The following STX1B variants were observed in gnomAD, a reference collection of about 807,000 sequenced individuals.
STX1B encodes syntaxin-1B.
In STX1B, 7 loss-of-function variants were observed where a neutral mutation model predicts 39.4. The observed-to-expected ratio is 0.18, with a 90% confidence interval of 0.10 to 0.33. The LOEUF is 0.33. STX1B is among the 10% of genes least tolerant of loss of function. The pLI is 1.00. For missense variants in STX1B, 198 were observed against 383.2 expected (o/e 0.52, Z 4.04); for synonymous variants, 136 against 144.1 (o/e 0.94, Z 0.40).
intron 7 of STX1B, among the ~76,000 whole-genome samples, chr16:30,994,421 C>A (rs945328880): frequency 1.1e-3 from 118 of 111,214 alleles, no homozygotes; most frequent in South Asian, 1.5e-3. Context: ...TTGTTTCTAT[C>A]AAAAAAAAAA....
chr16:31,006,932 T>C (rs1286033862), intron 1 of STX1B, among the ~76,000 whole-genome samples: 3 of 151,980 alleles, frequency 2.0e-5, no homozygotes, highest in Non-Finnish European at 2.9e-5. Context: ...CTGGTCAACA[T>C]AGACCCCATC....
At chr16:30,993,074 G>C in intron 9 of STX1B, 56 bp downstream of exon 9, 1 of 1,555,452 alleles carries the variant, frequency 6.4e-7, no homozygotes, top group Non-Finnish European at 8.9e-7. Flanking sequence ...ACTCACCTCA[G>C]CCCGGGCTCA....
At chr16:31,006,763 A>T (rs1468441912) in intron 1 of STX1B, among the ~76,000 whole-genome samples, 2 of 152,158 alleles carry the variant, frequency 1.3e-5, no homozygotes, top group Admixed American at 6.5e-5. Context: ...GGCAGAGGGA[A>T]CAGCATGCGC....
At chr16:30,995,352 A>G (rs976480031) in intron 7 of STX1B, among the ~76,000 whole-genome samples, 13 of 152,156 alleles carry the variant, frequency 8.5e-5, no homozygotes, top group Admixed American at 7.9e-4. Context: ...GTCATAGCGC[A>G]TCCTTTAAAC....
At chr16:30,995,493 C>CT (rs535108190) in intron 7 of STX1B, among the ~76,000 whole-genome samples, 28,774 of 143,740 alleles carry the variant, frequency 0.2, 2,988 homozygotes, top group Non-Finnish European at 0.25. Flanking sequence ...TCCTTTCTTT[C>CT]TTTTTTTTTT....
chr16:30,996,569 A>G, intron 7 of STX1B, 114 bp downstream of exon 7: 2 of 952,894 alleles, frequency 2.1e-6, no homozygotes, highest in Non-Finnish European at 1.6e-6. Context: ...TTCCCGGCTC[A>G]GGCTTCCCGC....
intron 4 of STX1B, among the ~76,000 whole-genome samples, chr16:31,000,569 T>C (rs1303530664): frequency 6.6e-6 from 1 of 151,812 alleles, no homozygotes; most frequent in Non-Finnish European, 1.5e-5. Context: ...CTCAGCTCAC[T>C]GTAACCTCCA....
Position 31,001,619 on chromosome 16 carries a change from G to A in STX1B, c.31-16C>T, listed in dbSNP as rs760136212. ...TGTCTTTCGCCTGGGGACAAGGAAG[G>A]CTGAGTCCATGAGCAGGCCCTACCT... On this transcript the variant is annotated splice_polypyrimidine_tract_variant and intron_variant, in intron 1 of 9. Transcript: ENST00000215095. The surrounding 1 kb of genome is among the most constrained non-coding windows in gnomAD (Gnocchi z 5.5). 6.2e-7 allele frequency: 1 copy of A among 1,610,162 alleles called. No homozygotes were observed. The highest frequency in any genetic ancestry group is 1.1e-5 in the South Asian group (1 of 90,790).
At chr16:31,006,049 A>C (rs1488619888) in intron 1 of STX1B, among the ~76,000 whole-genome samples, 1 of 152,216 alleles carries the variant, frequency 6.6e-6, no homozygotes, top group Non-Finnish European at 1.5e-5. Flanking sequence ...AGACGGTGAC[A>C]AAAACACAGA....
At position 31,001,820 on chromosome 16, in the gene STX1B, G is replaced by T. The variant is rs887289693; in HGVS notation, c.31-217C>A. ...GATTCCTTAGAAGGAATTGGAAAAA[G>T]ACCCCCTCTCAGGGTGGATGTGGCC... On this transcript the variant is annotated intron_variant, in intron 1 of 9. Transcript: ENST00000215095. This position sits in a 1 kb window ranked among gnomAD's most constrained non-coding sequence, Gnocchi z 5.5. 2.0e-5 allele frequency among the ~76,000 whole-genome samples: 3 copies of T among 152,194 alleles called. No homozygotes were observed. The highest frequency in any genetic ancestry group is 7.2e-5 in the African/African-American group (3 of 41,440).
intron 7 of STX1B, chr16:30,996,169 C>T (rs188112816): frequency 5.3e-5 from 8 of 151,492 alleles, no homozygotes; most frequent in African/African-American, 1.9e-4. Context: ...GAGCAAAACT[C>T]CGTCTTGAAG....
chr16:30,994,696 T>TACTC (rs1003935977), intron 7 of STX1B, among the ~76,000 whole-genome samples: 23 of 151,926 alleles, frequency 1.5e-4, no homozygotes, highest in African/African-American at 5.3e-4. Flanking sequence ...CTTCCCAAAT[T>TACTC]ACTCACTGTT....
At chr16:30,993,814 G>GTC (rs1180914536) in intron 7 of STX1B, among the ~76,000 whole-genome samples, 5 of 152,196 alleles carry the variant, frequency 3.3e-5, no homozygotes, top group Admixed American at 1.3e-4. Flanking sequence ...GCGAAACCTC[G>GTC]TCTCTACTAA....
rs2056554260 is a variant in STX1B at position 30,991,026 on chromosome 16, T to TG, written c.*1794dup. 6.6e-6 allele frequency: 1 copy of TG among 152,512 alleles called. No individual in the cohort carries two copies. The highest frequency in any genetic ancestry group is 1.5e-5 in the Non-Finnish European group (1 of 68,082). The allele number at this position is 152,512 out of a possible 1,614,324, so 9.4% of individuals were successfully genotyped here. On this transcript the variant is annotated 3_prime_UTR_variant, in exon 10 of 10. Transcript: ENST00000215095. ...GAGCCCAGAGCATCCGATGGGGCAG[T>TG]GGGGGACACACAGTCCTCTCCCAGG...
At position 31,001,618 on chromosome 16, in the gene STX1B, G is replaced by A. The variant is rs752203894; in HGVS notation, c.31-15C>T. ...CTGTCTTTCGCCTGGGGACAAGGAAGGCTGAGTCCATGAGCAGGCCCTACC... is the reference window on the plus strand; with the variant it reads ...CTGTCTTTCGCCTGGGGACAAGGAAAGCTGAGTCCATGAGCAGGCCCTACC... On this transcript the variant is annotated splice_polypyrimidine_tract_variant and intron_variant, in intron 1 of 9. Transcript: ENST00000215095. The surrounding 1 kb of genome is among the most constrained non-coding windows in gnomAD (Gnocchi z 5.5). The A allele has an allele frequency of 1.7e-5, 28 of 1,610,630 alleles. No individual in the cohort carries two copies. The highest frequency in any genetic ancestry group is 2.3e-5 in the Non-Finnish European group (27 of 1,178,364).
At position 30,993,370 on chromosome 16, in the gene STX1B, T is replaced by C; in HGVS notation, c.652A>G (p.Met218Val). Residue 218 changes from methionine (M) to valine (V), a missense_variant, in exon 8 of 10, where the codon ATG becomes GTG. Transcript: ENST00000215095. ...IRELHDMFVD[M>V]AMLVESQGEM... is the part of the protein sequence containing the mutation. ...ACCTGGCTCTCTACGAGCATGGCCA[T>C]GTCCACAAACATATCGTGCAGCTCG... 2 of 1,614,204 alleles carry C rather than the reference T, an allele frequency of 1.2e-6. No homozygotes were observed. The highest frequency in any genetic ancestry group is 1.7e-6 in the Non-Finnish European group (2 of 1,180,050).
intron 7 of STX1B, chr16:30,996,471 G>C: frequency 1.9e-6 from 1 of 540,116 alleles, no homozygotes; most frequent in Middle Eastern, 4.9e-4. Context: ...TGTGAAGATG[G>C]AAAGTGCTTA....
At chr16:30,992,994 G>A in intron 9 of STX1B, 93 bp from the exon 10 acceptor site, 1 of 1,325,612 alleles carries the variant, frequency 7.5e-7, no homozygotes, top group Non-Finnish European at 1.1e-6. Flanking sequence ...GTGGCAGGGA[G>A]AAGAGGGGAG....
Position 31,001,405 on chromosome 16 carries a change from A to AGGGGCTGGGGCTGGGTGCT in STX1B, c.105+105_105+123dup. On this transcript the variant is annotated intron_variant, in intron 2 of 9. Transcript: ENST00000215095. This position sits in a 1 kb window ranked among gnomAD's most constrained non-coding sequence, Gnocchi z 5.5. ...GGGGCTGCGGCTGGGCGGTGGGACT[A>AGGGGCTGGGGCTGGGTGCT]GGGGCTGGGGCTGGGTGCTGGGGCT... 1 of 622,820 alleles carries AGGGGCTGGGGCTGGGTGCT rather than the reference A, an allele frequency of 1.6e-6. No homozygotes were observed. The highest frequency in any genetic ancestry group is 2.1e-5 in the South Asian group (1 of 46,970). The allele number at this position is 622,820 out of a possible 1,614,324, so 38.6% of individuals were successfully genotyped here.
Sources: allele counts gnomAD v4.1 joint callset (sites outside exome capture counted in the v4.1 genomes callset), GRCh38; gene constraint gnomAD v4.1.1; non-coding constraint Gnocchi (gnomAD v3.1); transcripts MANE v1.5; gene names NCBI Gene and HGNC (gene_info 2026-07-23, HGNC 2026-07-21).